TAP2: variants seen among roughly 807,000 people sequenced by gnomAD.
TAP2 encodes the protein transporter 2, ATP binding cassette subfamily B member.
A neutral mutation model predicts 74.7 loss-of-function variants in TAP2; 49 were observed. The ratio of observed to expected loss-of-function variants is 0.66; its 90% CI spans 0.52 to 0.83. TAP2 has a LOEUF of 0.83. TAP2 is among the 40% of genes least tolerant of loss of function. The pLI, the probability that TAP2 is intolerant of heterozygous loss-of-function variation, is 0.00. For missense variants in TAP2, 739 were observed against 859.0 expected (o/e 0.86, Z 1.75); for synonymous variants, 306 against 368.4 (o/e 0.83, Z 1.94).
chr6:32,822,306 T>A, downstream of TAP2: 1 of 1,547,780 alleles, frequency 6.5e-7, no homozygotes, highest in Non-Finnish European at 8.8e-7. Context: ...ATCATGAACT[T>A]CCAAAGGGTT....
rs1181477175 is a variant in TAP2 at position 32,828,739 on chromosome 6, C to T, written c.*167G>A. ...AAGCACACAGTGTCCAAATCTCCAT[C>T]GTGCCTGCAACTCAGGAACAGCTAT... On this transcript the variant is annotated 3_prime_UTR_variant, in exon 12 of 12. Coordinates refer to ENST00000374897, the MANE Select transcript of TAP2 (RefSeq NM_001290043.2). 3 of 1,088,110 alleles carry T rather than the reference C, an allele frequency of 2.8e-6. No individual in the cohort carries two copies. In the African/African-American group the frequency reaches 5.1e-5, roughly 18 times the overall value. The allele number at this position is 1,088,110 out of a possible 1,614,324, so 67.4% of individuals were successfully genotyped here.
At position 32,838,099 on chromosome 6, in the gene TAP2, C is replaced by A. The variant is rs748601589; in HGVS notation, c.135G>T (p.Arg45=). 6.2e-7 allele frequency: 1 copy of A among 1,611,900 alleles called. No individual in the cohort carries two copies. The highest frequency in any genetic ancestry group is 8.5e-7 in the Non-Finnish European group (1 of 1,179,588). Residue 45 remains arginine, a synonymous_variant, in exon 2 of 12, where the codon CGG becomes CGT. Transcript: ENST00000374897. ...TTAGCAGCCCCCACAGCCCTCCCAG[C>A]CGCAGGGTCCCCTCCAGCCATAGTC... ...LPGLWLEGTL[R]LGGLWGLLKL...
At chr6:32,824,964 TTG>T (rs921829708), downstream of TAP2, among the ~76,000 whole-genome samples, 1 of 152,014 alleles carries the variant, frequency 6.6e-6, no homozygotes, top group Non-Finnish European at 1.5e-5. Context: ...TTATTGTTGT[TTG>T]TGTGTGTGTT....
Position 32,826,204 on chromosome 6 carries a change from A to C in TAP2, c.*2702T>G, listed in dbSNP as rs1044043. 0.78 allele frequency: 770,933 copies of C among 985,262 alleles called. 302,058 individuals carry two copies. Among genetic ancestry groups the C allele is most frequent in the African/African-American group, 0.88 (50,170 of 57,310 alleles). The allele number at this position is 985,262 out of a possible 1,614,324, so 61.0% of individuals were successfully genotyped here. On this transcript the variant is annotated 3_prime_UTR_variant, in exon 12 of 12. Coordinates refer to ENST00000374897, the MANE Select transcript of TAP2 (RefSeq NM_001290043.2). ...TTGTTTCACAATTGCCATGTGGATT[A>C]CAAGTGGCTATCCCTGGGTGGAGGC...
chr6:32,838,270 G>C (rs920177272), intron 1 of TAP2, 33 bp from the exon 2 acceptor site: 6 of 1,526,850 alleles, frequency 3.9e-6, no homozygotes, highest in African/African-American at 1.4e-5. Context: ...AAATCATGGG[G>C]GTGGAGTCCC....
rs1433119776 is a variant in TAP2, at chr6:32,832,588, C to G, written c.1143+39G>C. The G allele has an allele frequency of 1.2e-6, 2 of 1,612,908 alleles. No individual in the cohort carries two copies. Among genetic ancestry groups the G allele is most frequent in the Admixed American group, 3.3e-5 (2 of 60,006 alleles). On this transcript the variant is annotated intron_variant, in intron 6 of 11. Transcript: ENST00000374897. This position sits in a 1 kb window ranked among gnomAD's most constrained non-coding sequence, Gnocchi z 5.9. ...AGTTTCCTCTTCCCTTGCCCTCCCCCTTTCCTGGGCTCCTTTCACAACCAC... is the reference window on the plus strand; with the variant it reads ...AGTTTCCTCTTCCCTTGCCCTCCCCGTTTCCTGGGCTCCTTTCACAACCAC...
At position 32,838,683 on chromosome 6, in the gene TAP2, G is replaced by T; in HGVS notation, c.-35C>A. The T allele has an allele frequency of 5.9e-6, 1 of 168,212 alleles. No homozygotes were observed. The allele number at this position is 168,212 out of a possible 1,614,324, so 10.4% of individuals were successfully genotyped here. On this transcript the variant is annotated 5_prime_UTR_variant, in exon 1 of 12. Coordinates refer to ENST00000374897, the MANE Select transcript of TAP2 (RefSeq NM_001290043.2). ...GCGGCGGGGAGACCGCAGCTCCGGGGACTTCTGCTTCAGCGCTGAGGTCCG... is the reference window on the plus strand; with the variant it reads ...GCGGCGGGGAGACCGCAGCTCCGGGTACTTCTGCTTCAGCGCTGAGGTCCG...
chr6:32,833,800 TG>T (rs1210414590), intron 5 of TAP2, among the ~76,000 whole-genome samples: 13 of 152,172 alleles, frequency 8.5e-5, no homozygotes, highest in African/African-American at 2.9e-4. Context: ...TGGGAGGGAC[TG>T]GGTAGGAGGT....
At chr6:32,834,603 T>C (rs946806694) in intron 5 of TAP2, among the ~76,000 whole-genome samples, 1 of 152,208 alleles carries the variant, frequency 6.6e-6, no homozygotes, top group African/African-American at 2.4e-5. Flanking sequence ...GTTTCCTAAA[T>C]GTCACTGAAC....
At position 32,835,577 on chromosome 6, in the gene TAP2, G is replaced by A. The variant is rs1473570245; in HGVS notation, c.739+66C>T. Reference sequence around the variant, plus strand: ...GGGTGAAGGCAGGAGGAGAGGCTGTGGGTGGAAGGTCACTGAGGGGCAAGG... The same window carrying A: ...GGGTGAAGGCAGGAGGAGAGGCTGTAGGTGGAAGGTCACTGAGGGGCAAGG... On this transcript the variant is annotated intron_variant, in intron 4 of 11. Coordinates refer to ENST00000374897, the MANE Select transcript of TAP2 (RefSeq NM_001290043.2). This position sits in a 1 kb window ranked among gnomAD's most constrained non-coding sequence, Gnocchi z 4.0. 3.1e-6 allele frequency: 5 copies of A among 1,606,932 alleles called. No individual in the cohort carries two copies. The highest frequency in any genetic ancestry group is 4.3e-6 in the Non-Finnish European group (5 of 1,174,944).
At chr6:32,833,656 G>A (rs1403533416) in intron 5 of TAP2, among the ~76,000 whole-genome samples, 1 of 152,188 alleles carries the variant, frequency 6.6e-6, no homozygotes, top group Non-Finnish European at 1.5e-5. Flanking sequence ...TGATGAGGAT[G>A]TGGAGAAATT....
In TAP2 at chr6:32,835,434, G is replaced by T. The variant is rs188432491; in HGVS notation, c.740-75C>A. ...GGCCCCCAGAAACTCCCTCCTGACC[G>T]TTCCCTCTGACACAGCCCCCTCCTC... On this transcript the variant is annotated intron_variant, in intron 4 of 11. Coordinates refer to ENST00000374897, the MANE Select transcript of TAP2 (RefSeq NM_001290043.2). The surrounding 1 kb of genome is among the most constrained non-coding windows in gnomAD (Gnocchi z 4.0). The T allele has an allele frequency of 1.3e-6, 2 of 1,531,862 alleles. No homozygotes were observed. Among genetic ancestry groups the T allele is most frequent in the East Asian group, 2.3e-5 (1 of 44,184 alleles). 94.9% of individuals were successfully genotyped at this position (1,531,862 alleles called of 1,614,324 possible). A position where few individuals can be genotyped will look rare whatever the true frequency, so the allele number is the denominator to read the frequency against.
rs1769321500 is a variant in TAP2 at position 32,835,055 on chromosome 6, G to C, written c.945+99C>G. 3 of 1,278,118 alleles carry C rather than the reference G, an allele frequency of 2.3e-6. No homozygotes were observed. The highest frequency in any genetic ancestry group is 2.4e-5 in the East Asian group (1 of 41,590). 79.2% of individuals were successfully genotyped at this position (1,278,118 alleles called of 1,614,324 possible). ...CCTTCTCCCCTAATGGCTGAGAAGA[G>C]AACATCTCTCTCTAGGGGATCCTCT... On this transcript the variant is annotated intron_variant, in intron 5 of 11. Coordinates refer to ENST00000374897, the MANE Select transcript of TAP2 (RefSeq NM_001290043.2). This position sits in a 1 kb window ranked among gnomAD's most constrained non-coding sequence, Gnocchi z 4.0.
At position 32,835,424 on chromosome 6, in the gene TAP2, C is replaced by T; in HGVS notation, c.740-65G>A. 1 of 1,566,502 alleles carries T rather than the reference C, an allele frequency of 6.4e-7. No individual in the cohort carries two copies. Among genetic ancestry groups the T allele is most frequent in the Non-Finnish European group, 8.8e-7 (1 of 1,141,574 alleles). On this transcript the variant is annotated intron_variant, in intron 4 of 11. Transcript: ENST00000374897. This position sits in a 1 kb window ranked among gnomAD's most constrained non-coding sequence, Gnocchi z 4.0. ...TGTACTGCAGGGCCCCCAGAAACTC[C>T]CTCCTGACCGTTCCCTCTGACACAG...
chr6:32,822,268 C>A, downstream of TAP2: 2 of 1,534,826 alleles, frequency 1.3e-6, no homozygotes, highest in Non-Finnish European at 1.8e-6. Flanking sequence ...CTCATTATTC[C>A]CAGGAAATAT....
downstream of TAP2, among the ~76,000 whole-genome samples, chr6:32,822,922 T>C (rs1179876665): frequency 1.4e-5 from 2 of 146,108 alleles, no homozygotes; most frequent in Non-Finnish European, 3.0e-5. Context: ...TCATACTTTT[T>C]TTTTTTTTTT....
chr6:32,832,383 T>C lies in TAP2; in HGVS notation c.1222A>G (p.Ser408Gly). ...QMQDGELTQG[S>G]LLSFMIYQES... is the part of the protein sequence containing the mutation. The stretch of plus-strand genomic sequence containing the variant: ...TGGTAGATCATAAAGGAAAGCAGGC[T>C]GCCCTGGGTGAGCTCCCCATCCTGC... The change falls in exon 7 of 12, where the codon AGC becomes GGC. Residue 408 changes from serine to glycine, a missense_variant. Ser to Gly is a moderately conservative substitution (Grantham distance 56). Coordinates refer to ENST00000374897, the MANE Select transcript of TAP2 (RefSeq NM_001290043.2). The surrounding 1 kb of genome is among the most constrained non-coding windows in gnomAD (Gnocchi z 5.9). The C allele has an allele frequency of 2.5e-6, 4 of 1,613,024 alleles. No homozygotes were observed. Among genetic ancestry groups the C allele is most frequent in the Non-Finnish European group, 3.4e-6 (4 of 1,180,030 alleles).
At chr6:32,831,586 T>C (rs1242173169) in intron 7 of TAP2, among the ~76,000 whole-genome samples, 1 of 152,166 alleles carries the variant, frequency 6.6e-6, no homozygotes, top group Non-Finnish European at 1.5e-5. Context: ...GGTTTATCTA[T>C]CAATAGACAG....
rs17213798 is a variant in TAP2 at position 32,827,458 on chromosome 6, G to T, written c.*1448C>A. ...ATGGTCTAGTGGAAGGTCAAAAAAG[G>T]TGGGAAAGGGAAGATAGAACTTTAA... On this transcript the variant is annotated 3_prime_UTR_variant, in exon 12 of 12. Coordinates refer to ENST00000374897, the MANE Select transcript of TAP2 (RefSeq NM_001290043.2). 1.1e-3 allele frequency: 650 copies of T among 577,820 alleles called. 23 individuals carry two copies. In the Admixed American group the frequency reaches 0.026, roughly 23 times the overall value. 35.8% of individuals were successfully genotyped at this position (577,820 alleles called of 1,614,324 possible).
Sources: gnomAD v4.1 joint callset for allele counts (sites outside exome capture counted in the v4.1 genomes callset) on GRCh38, gnomAD v4.1.1 for gene constraint, Gnocchi (gnomAD v3.1) non-coding constraint, MANE v1.5 for transcripts, NCBI Gene and HGNC (gene_info 2026-07-23, HGNC 2026-07-21) for gene names.